AIG1: variants seen among roughly 807,000 people sequenced by gnomAD.
AIG1 encodes the protein androgen induced 1.
In AIG1, 23 loss-of-function variants were observed where a neutral mutation model predicts 31.4. That is an observed-to-expected ratio of 0.73 (90% CI 0.53 to 1.04). AIG1 has a LOEUF of 1.04. Among genes scored for constraint, AIG1 ranks in the 50% least tolerant of loss-of-function variants. The probability of loss-of-function intolerance (pLI) is 0.00; values close to 1 mark genes in which losing one functional copy is unlikely to be tolerated. For missense variants in AIG1, 274 were observed against 295.0 expected (o/e 0.93, Z 0.52); for synonymous variants, 100 against 110.5 (o/e 0.90, Z 0.60).
chr6:143,218,911 T>A (rs1792244975), intron 3 of AIG1, among the ~76,000 whole-genome samples: 1 of 152,214 alleles, frequency 6.6e-6, no homozygotes, highest in Non-Finnish European at 1.5e-5. Context: ...TTTCAGAAAT[T>A]GTTGCTTTAA....
At chr6:143,071,663 G>T (rs1777273641) in intron 1 of AIG1, among the ~76,000 whole-genome samples, 1 of 151,752 alleles carries the variant, frequency 6.6e-6, no homozygotes, top group African/African-American at 2.4e-5. Context: ...CATCGTGGTG[G>T]TGGTGGTAGT....
intron 3 of AIG1, among the ~76,000 whole-genome samples, chr6:143,204,376 C>G (rs1443235444): frequency 2.0e-5 from 3 of 152,154 alleles, no homozygotes; most frequent in African/African-American, 7.2e-5. Context: ...CCTCCACAGC[C>G]TCTTAGGGTA....
rs1776964765 is a variant in AIG1 at position 143,330,263 on chromosome 6, T to C, written c.516-3019T>C. On this transcript the variant is annotated intron_variant, in intron 4 of 5. Transcript: ENST00000357847. The surrounding 1 kb of genome is among the most constrained non-coding windows in gnomAD (Gnocchi z 4.4). The stretch of plus-strand genomic sequence containing the variant: ...AAATAAGTAGAGTATATTATTTGGC[T>C]GGGAGAAAAAATAAAGGATGAAAGA... Among the ~76,000 whole-genome samples, 1 of 152,048 alleles carries C rather than the reference T, an allele frequency of 6.6e-6. No homozygotes were observed. The highest frequency in any genetic ancestry group is 1.5e-5 in the Non-Finnish European group (1 of 68,016).
chr6:143,235,196 G>A (rs764818144), intron 3 of AIG1, among the ~76,000 whole-genome samples: 5 of 152,128 alleles, frequency 3.3e-5, no homozygotes, highest in Non-Finnish European at 4.4e-5. Context: ...GCTATGCCCC[G>A]GGTGCTGTGG....
chr6:143,229,150 C>T (rs966428817), intron 3 of AIG1, among the ~76,000 whole-genome samples: 1 of 152,208 alleles, frequency 6.6e-6, no homozygotes, highest in Non-Finnish European at 1.5e-5. Context: ...GTGAAGACAG[C>T]AGCTCTGTTT....
chr6:143,277,509 G>A (rs1014802923), intron 3 of AIG1, among the ~76,000 whole-genome samples: 4 of 152,304 alleles, frequency 2.6e-5, no homozygotes, highest in South Asian at 4.1e-4. Flanking sequence ...CAACACACAC[G>A]CACATGCACA....
At chr6:143,312,706 T>A (rs1041546164) in intron 4 of AIG1, among the ~76,000 whole-genome samples, 9 of 151,840 alleles carry the variant, frequency 5.9e-5, no homozygotes, top group Admixed American at 1.3e-4. Flanking sequence ...AATGGACACA[T>A]AGGATCACAT....
chr6:143,108,898 A>C (rs1460239976), intron 1 of AIG1, among the ~76,000 whole-genome samples: 1 of 152,196 alleles, frequency 6.6e-6, no homozygotes, highest in African/African-American at 2.4e-5. Context: ...ATGAGTTTTT[A>C]GGAAACACAT....
chr6:143,061,198 C>A (rs749562309), intron 1 of AIG1, 132 bp downstream of exon 1: 3 of 1,108,146 alleles, frequency 2.7e-6, no homozygotes, highest in Non-Finnish European at 4.1e-6. Context: ...CACCCGTGTC[C>A]TCGCCTCTTC....
chr6:143,071,656 C>G (rs1000062943), intron 1 of AIG1, among the ~76,000 whole-genome samples: 3 of 151,582 alleles, frequency 2.0e-5, no homozygotes, highest in African/African-American at 7.3e-5. Context: ...GATATCTCAT[C>G]GTGGTGGTGG....
At chr6:143,092,279 ATTT>A (rs760340815) in intron 1 of AIG1, among the ~76,000 whole-genome samples, 3 of 117,668 alleles carry the variant, frequency 2.5e-5, no homozygotes, top group African/African-American at 3.2e-5. Context: ...TAATTTTTTG[ATTT>A]TTTTTTTTTT....
At chr6:143,236,873 A>G (rs944297830) in intron 3 of AIG1, among the ~76,000 whole-genome samples, 8 of 152,192 alleles carry the variant, frequency 5.3e-5, no homozygotes, top group East Asian at 1.9e-4. Context: ...ATAGACAACC[A>G]TAGTAGCAAT....
chr6:143,116,274 G>A (rs1321872389), intron 1 of AIG1, among the ~76,000 whole-genome samples: 3 of 152,122 alleles, frequency 2.0e-5, no homozygotes, highest in African/African-American at 7.2e-5. Flanking sequence ...GAAAATAATG[G>A]GCTTTCAGTC....
chr6:143,226,189 TC>T (rs778853357), intron 3 of AIG1, among the ~76,000 whole-genome samples: 9 of 152,200 alleles, frequency 5.9e-5, no homozygotes, highest in Non-Finnish European at 8.8e-5. Context: ...TCACATCTGT[TC>T]AGGCTTGCCT....
intron 4 of AIG1, among the ~76,000 whole-genome samples, chr6:143,304,994 A>T (rs1290948359): frequency 6.6e-6 from 1 of 151,896 alleles, no homozygotes; most frequent in African/African-American, 2.4e-5. Flanking sequence ...TTTCTTCTAG[A>T]TTTTCTAGTT....
intron 3 of AIG1, among the ~76,000 whole-genome samples, chr6:143,235,714 G>C (rs111369017): frequency 2.0e-5 from 3 of 152,206 alleles, no homozygotes; most frequent in Non-Finnish European, 4.4e-5. Flanking sequence ...TAGGTTTTAC[G>C]TGACATGGAT....
intron 1 of AIG1, among the ~76,000 whole-genome samples, chr6:143,128,330 T>C (rs1032343845): frequency 6.6e-6 from 1 of 152,064 alleles, no homozygotes; most frequent in Non-Finnish European, 1.5e-5. Context: ...AGAAAAAAGA[T>C]GGAGAAGGAA....
chr6:143,091,414 G>A (rs369537161), intron 1 of AIG1, among the ~76,000 whole-genome samples: 19 of 152,336 alleles, frequency 1.2e-4, no homozygotes, highest in East Asian at 3.8e-4. Context: ...AAGAAGTTTC[G>A]ATCTGACAGT....
chr6:143,293,268 G>A lies in AIG1; in HGVS notation c.515+9043G>A, dbSNP rs1198797100. Among the ~76,000 whole-genome samples, 1 of 151,892 alleles carries A rather than the reference G, an allele frequency of 6.6e-6. No individual in the cohort carries two copies. The highest frequency in any genetic ancestry group is 1.5e-5 in the Non-Finnish European group (1 of 67,976). ...TCCTCTGTTCTTCATACGGGCTTTG[G>A]TCCTACTTTACAGCATGTGTGGCTC... On this transcript the variant is annotated intron_variant, in intron 4 of 5. Transcript: ENST00000357847. This position sits in a 1 kb window ranked among gnomAD's most constrained non-coding sequence, Gnocchi z 4.8.
Sources: gnomAD v4.1 joint callset for allele counts (sites outside exome capture counted in the v4.1 genomes callset) on GRCh38, gnomAD v4.1.1 for gene constraint, Gnocchi (gnomAD v3.1) non-coding constraint, MANE v1.5 for transcripts, NCBI Gene and HGNC (gene_info 2026-07-23, HGNC 2026-07-21) for gene names.